PCDHA12: variants seen among roughly 807,000 people sequenced by gnomAD.
PCDHA12 encodes the protein protocadherin alpha-12.
In PCDHA12, 44 loss-of-function variants were observed where a neutral mutation model predicts 60.0. That is an observed-to-expected ratio of 0.73 (90% CI 0.58 to 0.94). The LOEUF (loss-of-function observed/expected upper bound fraction) is 0.94. Ranked by LOEUF, PCDHA12 falls within the 40% of genes least tolerant of loss-of-function variation. The pLI is 0.00. For synonymous variants in PCDHA12, 569 were observed against 553.0 expected (o/e 1.03, Z -0.40); for missense variants, 1,276 against 1,239.7 (o/e 1.03, Z -0.44).
chr5:140,965,990 G>A (rs1292240100), intron 1 of PCDHA12, among the ~76,000 whole-genome samples: 4 of 152,194 alleles, frequency 2.6e-5, no homozygotes, highest in African/African-American at 9.6e-5. Context: ...ACTTTCTGCA[G>A]TACTTAAGAG....
chr5:140,913,055 T>G (rs1554195719), intron 1 of PCDHA12, among the ~76,000 whole-genome samples: 2 of 152,184 alleles, frequency 1.3e-5, no homozygotes, highest in African/African-American at 4.8e-5. Context: ...GAGTTTTATT[T>G]TATTTTGATG....
chr5:140,968,035 G>A, intron 1 of PCDHA12: 1 of 1,614,184 alleles, frequency 6.2e-7, no homozygotes, highest in South Asian at 1.1e-5. Flanking sequence ...CACTGGTGGT[G>A]AGCGGCCCAC....
At chr5:140,979,738 G>T (rs754559318) in intron 2 of PCDHA12, among the ~76,000 whole-genome samples, 10 of 152,194 alleles carry the variant, frequency 6.6e-5, no homozygotes, top group East Asian at 1.9e-4. Context: ...CCAAATAAAA[G>T]ATTCATTATT....
intron 3 of PCDHA12, among the ~76,000 whole-genome samples, chr5:140,989,205 C>G (rs750885432): frequency 6.6e-6 from 1 of 152,192 alleles, no homozygotes; most frequent in Admixed American, 6.5e-5. Flanking sequence ...TTCTAGCTTT[C>G]TTTATACACC....
chr5:140,877,748 G>C lies in PCDHA12; in HGVS notation c.2276G>C (p.Cys759Ser). 6.2e-7 allele frequency: 1 copy of C among 1,614,188 alleles called. No individual in the cohort carries two copies. The highest frequency in any genetic ancestry group is 8.5e-7 in the Non-Finnish European group (1 of 1,180,026). Residue 759 changes from cysteine (C) to serine (S), a missense_variant, in exon 1 of 4, where the codon TGC (cysteine) becomes TCC (serine). By Grantham distance (112) the Cys-to-Ser change is moderately radical. Transcript: ENST00000398631. ...TCGCAGCAGAGGAGGCAGAGGGTGT[G>C]CTCTGCAGAGAGCCCGCCCAAGACG... Reference protein sequence around the residue: ...SYSQQRRQRVCSAESPPKTDL... With the variant: ...SYSQQRRQRVSSAESPPKTDL...
At chr5:140,988,366 G>A (rs1384658783) in intron 3 of PCDHA12, among the ~76,000 whole-genome samples, 2 of 152,122 alleles carry the variant, frequency 1.3e-5, no homozygotes, top group Non-Finnish European at 2.9e-5. Flanking sequence ...TTACTTTCTG[G>A]GGTTGTGAAA....
intron 1 of PCDHA12, among the ~76,000 whole-genome samples, chr5:140,943,453 G>T (rs545980639): frequency 3.3e-4 from 50 of 152,158 alleles, no homozygotes; most frequent in Admixed American, 2.6e-4. Context: ...GAATTGATAA[G>T]GCTAAATGTG....
At chr5:140,896,309 A>T (rs1554186897) in intron 1 of PCDHA12, among the ~76,000 whole-genome samples, 1 of 152,184 alleles carries the variant, frequency 6.6e-6, no homozygotes. Flanking sequence ...AAATCTTCAA[A>T]CTGCTTTCCA....
In PCDHA12 at chr5:141,010,166, A is replaced by G; in HGVS notation, c.*229A>G. 1 of 1,562,828 alleles carries G rather than the reference A, an allele frequency of 6.4e-7. No homozygotes were observed. The highest frequency in any genetic ancestry group is 8.7e-7 in the Non-Finnish European group (1 of 1,152,678). ...TCTCTCCACTCTGGCTTGTTTTCAG[A>G]ACCTAAAAAGCAGACCCAAGTTTCC... On this transcript the variant is annotated 3_prime_UTR_variant, in exon 4 of 4. Transcript: ENST00000398631.
intron 3 of PCDHA12, among the ~76,000 whole-genome samples, chr5:140,985,922 G>A (rs1361292887): frequency 6.6e-6 from 1 of 151,826 alleles, no homozygotes; most frequent in African/African-American, 2.4e-5. Flanking sequence ...TGTATTTTTA[G>A]TAGAGCCGGG....
chr5:140,969,221 C>T, intron 1 of PCDHA12: 2 of 1,614,158 alleles, frequency 1.2e-6, no homozygotes, highest in Non-Finnish European at 1.7e-6. Context: ...AGGACCAGGG[C>T]CTTCGGGAGC....
chr5:140,884,060 G>C (rs781956914), intron 1 of PCDHA12: 4 of 1,613,548 alleles, frequency 2.5e-6, no homozygotes, highest in Non-Finnish European at 3.4e-6. Context: ...GCGCGCGGTG[G>C]ACGCCGATTC....
chr5:140,942,759 G>A (rs2093365403), intron 1 of PCDHA12, among the ~76,000 whole-genome samples: 1 of 152,074 alleles, frequency 6.6e-6, no homozygotes, highest in Admixed American at 6.6e-5. Context: ...AAATGAGATG[G>A]CATAATGTAT....
chr5:140,884,160 T>G lies in PCDHA12; in HGVS notation c.2367+6321T>G. 2 of 1,613,366 alleles carry G rather than the reference T, an allele frequency of 1.2e-6. No homozygotes were observed. The highest frequency in any genetic ancestry group is 1.7e-6 in the Non-Finnish European group (2 of 1,179,734). Reference sequence around the variant, plus strand: ...CGCGTGGGGCTGTACACTGGCGAGATCAGCACGACGCGCCCTCTGGACGAG... The same window carrying G: ...CGCGTGGGGCTGTACACTGGCGAGAGCAGCACGACGCGCCCTCTGGACGAG... On this transcript the variant is annotated intron_variant, in intron 1 of 3. Coordinates refer to ENST00000398631, the MANE Select transcript of PCDHA12 (RefSeq NM_018903.4).
chr5:140,935,501 A>G (rs1337847677), intron 1 of PCDHA12, among the ~76,000 whole-genome samples: 1 of 152,250 alleles, frequency 6.6e-6, no homozygotes, highest in East Asian at 1.9e-4. Context: ...GCACATCCTT[A>G]CAAATGCCCA....
intron 1 of PCDHA12, chr5:140,929,010 G>C (rs1554206575): frequency 6.2e-7 from 1 of 1,614,128 alleles, no homozygotes; most frequent in Non-Finnish European, 8.5e-7. Flanking sequence ...TGTGTACCAA[G>C]TTGCACCAGA....
chr5:140,918,621 T>C (rs1162983414), intron 1 of PCDHA12, among the ~76,000 whole-genome samples: 1 of 152,228 alleles, frequency 6.6e-6, no homozygotes, highest in Non-Finnish European at 1.5e-5. Flanking sequence ...AATGTTTGTG[T>C]TCCCCAAATT....
rs376026810 is a variant in PCDHA12 at position 140,944,280 on chromosome 5, C to T, written c.2368-34669C>T. 2.0e-4 allele frequency among the ~76,000 whole-genome samples: 31 copies of T among 152,226 alleles called. 1 individual carries two copies. The South Asian group carries it at 2.9e-3, about 14-fold the overall frequency. Reference sequence around the variant, plus strand: ...ACTGCTCACTGCAGCCTTGACACCCCGGGCTCAAGCGATCCTCCTACCTCA... The same window carrying T: ...ACTGCTCACTGCAGCCTTGACACCCTGGGCTCAAGCGATCCTCCTACCTCA... On this transcript the variant is annotated intron_variant, in intron 1 of 3. Coordinates refer to ENST00000398631, the MANE Select transcript of PCDHA12 (RefSeq NM_018903.4).
chr5:140,926,303 C>G (rs1248613470), intron 1 of PCDHA12: 1 of 152,328 alleles, frequency 6.6e-6, no homozygotes, highest in African/African-American at 2.4e-5. Flanking sequence ...CCCGCCCTCT[C>G]CGCCGGAGAG....
Sources: allele counts gnomAD v4.1 joint callset (sites outside exome capture counted in the v4.1 genomes callset), GRCh38; gene constraint gnomAD v4.1.1; transcripts MANE v1.5; gene names NCBI Gene and HGNC (gene_info 2026-07-23, HGNC 2026-07-21).